The following ULK4 variants were observed in gnomAD, a reference collection of about 807,000 sequenced individuals.
ULK4 encodes the protein inactive serine/threonine-protein kinase ULK4.
In ULK4, 133 loss-of-function variants were observed where a neutral mutation model predicts 160.6. The observed-to-expected ratio is 0.83, with a 90% CI of 0.72 to 0.96. The LOEUF (loss-of-function observed/expected upper bound fraction) is 0.96. ULK4 is among the 40% of genes least tolerant of loss of function. The pLI is 0.00. For missense variants in ULK4, 1,580 were observed against 1,499.5 expected, an observed-to-expected ratio of 1.05 and a Z score of -0.89; for synonymous variants, 534 against 539.8, an observed-to-expected ratio of 0.99 and a Z score of 0.15.
chr3:41,370,531 T>A (rs146940004), intron 35 of ULK4, among the ~76,000 whole-genome samples: 10 of 152,068 alleles, frequency 6.6e-5, no homozygotes, highest in African/African-American at 2.4e-4. Flanking sequence ...GGGTGGGGCA[T>A]TGCCTCACCC....
chr3:41,942,221 A>C (rs1699980960), intron 2 of ULK4, among the ~76,000 whole-genome samples: 1 of 152,198 alleles, frequency 6.6e-6, no homozygotes, highest in South Asian at 2.1e-4. Flanking sequence ...ATAATATCTC[A>C]ATAATAGTTT....
chr3:41,561,626 T>C (rs916059577), intron 32 of ULK4, among the ~76,000 whole-genome samples: 80 of 151,328 alleles, frequency 5.3e-4, no homozygotes, highest in African/African-American at 1.9e-3. Flanking sequence ...CCATTTCTTC[T>C]AGATTTTCTA....
At chr3:41,703,134 G>A (rs975566690) in intron 27 of ULK4, among the ~76,000 whole-genome samples, 9 of 152,168 alleles carry the variant, frequency 5.9e-5, no homozygotes, top group Non-Finnish European at 5.9e-5. Context: ...GATTACAGGC[G>A]TGATCCACCA....
At chr3:41,343,698 C>T (rs1575450508) in intron 35 of ULK4, among the ~76,000 whole-genome samples, 1 of 152,172 alleles carries the variant, frequency 6.6e-6, no homozygotes, top group Non-Finnish European at 1.5e-5. Context: ...TATTCCTATA[C>T]ACCAACAACA....
intron 34 of ULK4, among the ~76,000 whole-genome samples, chr3:41,417,976 C>CA (rs1244218728): frequency 1.3e-5 from 2 of 152,124 alleles, no homozygotes; most frequent in Non-Finnish European, 2.9e-5. Context: ...AAAGATAATA[C>CA]ATTTTTATCA....
chr3:41,454,547 A>G (rs1469200388), intron 34 of ULK4, among the ~76,000 whole-genome samples: 1 of 151,748 alleles, frequency 6.6e-6, no homozygotes, highest in East Asian at 1.9e-4. Flanking sequence ...CTCAAAAAAA[A>G]AAAAAAAAGA....
intron 35 of ULK4, among the ~76,000 whole-genome samples, chr3:41,344,041 C>A (rs1030788407): frequency 2.0e-5 from 3 of 152,138 alleles, no homozygotes. Context: ...ACCAAAAGAA[C>A]AAAGCTGGAG....
chr3:41,322,800 C>T (rs2080269620), intron 35 of ULK4, among the ~76,000 whole-genome samples: 1 of 152,064 alleles, frequency 6.6e-6, no homozygotes, highest in Admixed American at 6.5e-5. Flanking sequence ...AAATGTGTGC[C>T]AAAGATTTAC....
chr3:41,938,650 C>A (rs1340876072), intron 2 of ULK4, among the ~76,000 whole-genome samples: 1 of 152,056 alleles, frequency 6.6e-6, no homozygotes, highest in Non-Finnish European at 1.5e-5. Flanking sequence ...CCACTGCACT[C>A]CAGCCTGGGT....
chr3:41,693,483 A>G (rs2036379091), intron 27 of ULK4, among the ~76,000 whole-genome samples: 1 of 152,252 alleles, frequency 6.6e-6, no homozygotes, highest in Non-Finnish European at 1.5e-5. Context: ...ATAAAGAGTG[A>G]GAAAAATCTC....
chr3:41,550,539 G>C (rs2087023470), intron 32 of ULK4, among the ~76,000 whole-genome samples: 1 of 151,748 alleles, frequency 6.6e-6, no homozygotes, highest in South Asian at 2.1e-4. Context: ...ACACGAAAAA[G>C]AAACAAGATC....
At chr3:41,877,615 C>T (rs116834699) in intron 17 of ULK4, among the ~76,000 whole-genome samples, 4,382 of 152,014 alleles carry the variant, frequency 0.029, 206 homozygotes, top group African/African-American at 0.1. Context: ...CATGAGCCAC[C>T]GCCCCAGCCA....
At chr3:41,773,993 T>C (rs545596052) in intron 21 of ULK4, among the ~76,000 whole-genome samples, 71 of 152,280 alleles carry the variant, frequency 4.7e-4, no homozygotes, top group African/African-American at 1.6e-3. Context: ...ATTTAATAAA[T>C]GGTGCTGGGA....
intron 32 of ULK4, among the ~76,000 whole-genome samples, chr3:41,537,317 G>A (rs1443988640): frequency 2.6e-5 from 4 of 152,162 alleles, no homozygotes; most frequent in Admixed American, 2.6e-4. Context: ...AGGCTTGATA[G>A]CTTTTATGGC....
At chr3:41,927,625 A>G (rs6769671) in intron 5 of ULK4, among the ~76,000 whole-genome samples, 2,039 of 151,366 alleles carry the variant, frequency 0.013, 42 homozygotes, top group African/African-American at 0.046. Context: ...AGAGACACAC[A>G]TAAGCTCAAA....
chr3:41,805,232 T>A (rs1340231979), intron 19 of ULK4, among the ~76,000 whole-genome samples: 1 of 152,204 alleles, frequency 6.6e-6, no homozygotes, highest in Non-Finnish European at 1.5e-5. Context: ...GGTATTTTAT[T>A]CTCTTTGAAG....
intron 35 of ULK4, among the ~76,000 whole-genome samples, chr3:41,294,605 G>A (rs1384863811): frequency 2.0e-5 from 3 of 152,174 alleles, no homozygotes; most frequent in Non-Finnish European, 4.4e-5. Context: ...ATGGCCGGCA[G>A]TAGTGATGTG....
intron 35 of ULK4, among the ~76,000 whole-genome samples, chr3:41,368,844 A>T (rs954881428): frequency 6.6e-6 from 1 of 152,224 alleles, no homozygotes; most frequent in Non-Finnish European, 1.5e-5. Context: ...TGTTGTTATG[A>T]AATTCATGTA....
intron 5 of ULK4, among the ~76,000 whole-genome samples, chr3:41,930,619 C>G (rs1699558650): frequency 6.6e-6 from 1 of 152,054 alleles, no homozygotes; most frequent in Admixed American, 6.6e-5. Context: ...CCAGAGTCTA[C>G]AAGAAATTTA....
Sources: gnomAD v4.1 joint callset for allele counts (sites outside exome capture counted in the v4.1 genomes callset) on GRCh38, gnomAD v4.1.1 for gene constraint, MANE v1.5 for transcripts, NCBI Gene and HGNC (gene_info 2026-07-23, HGNC 2026-07-21) for gene names.